The following SBF2 variants were observed in gnomAD, a reference collection of about 807,000 sequenced individuals.
The protein encoded by SBF2 is SET binding factor 2.
Under a neutral mutation model 225.2 loss-of-function variants are expected in SBF2, and 112 were observed. The observed-to-expected ratio is 0.50, with a 90% CI of 0.43 to 0.58. The LOEUF is 0.58. Ranked by LOEUF, SBF2 falls within the 20% of genes least tolerant of loss-of-function variation. The pLI is 0.00. For missense variants in SBF2, 1,996 were observed against 2,206.2 expected, an observed-to-expected ratio of 0.90 and a Z score of 1.91; for synonymous variants, 763 against 773.3, an observed-to-expected ratio of 0.99 and a Z score of 0.22.
intron 2 of SBF2, among the ~76,000 whole-genome samples, chr11:10,150,114 T>C (rs1291608861): frequency 6.6e-6 from 1 of 152,148 alleles, no homozygotes; most frequent in South Asian, 2.1e-4. Flanking sequence ...ATCTGTATCC[T>C]TGAACAAAAA....
chr11:10,131,277 G>A (rs1222440669), intron 2 of SBF2, among the ~76,000 whole-genome samples: 1 of 151,276 alleles, frequency 6.6e-6, no homozygotes, highest in Non-Finnish European at 1.5e-5. Flanking sequence ...CCAGGCTGGA[G>A]TACAGTGGCA....
At chr11:9,796,227 C>G (rs912222340) in intron 32 of SBF2, among the ~76,000 whole-genome samples, 1 of 152,014 alleles carries the variant, frequency 6.6e-6, no homozygotes, top group African/African-American at 2.4e-5. Context: ...TTATTATCTC[C>G]ACTTTACAAT....
chr11:9,893,730 C>G (rs529723898), intron 17 of SBF2, among the ~76,000 whole-genome samples: 1 of 152,292 alleles, frequency 6.6e-6, no homozygotes, highest in South Asian at 2.1e-4. Flanking sequence ...CAGTTCTGGT[C>G]TCTTGAAATT....
intron 13 of SBF2, among the ~76,000 whole-genome samples, chr11:9,972,157 T>C (rs1946489936): frequency 6.6e-6 from 1 of 152,182 alleles, no homozygotes; most frequent in Non-Finnish European, 1.5e-5. Flanking sequence ...CCCCATGTGT[T>C]GTAGTTTTCA....
At chr11:9,845,950 TG>T (rs1856514359) in intron 23 of SBF2, among the ~76,000 whole-genome samples, 1 of 152,234 alleles carries the variant, frequency 6.6e-6, no homozygotes. Flanking sequence ...AGGAAAATCA[TG>T]TATCTTCAAG....
At chr11:10,149,958 A>C (rs751393416) in intron 2 of SBF2, among the ~76,000 whole-genome samples, 12 of 152,152 alleles carry the variant, frequency 7.9e-5, no homozygotes, top group Non-Finnish European at 1.5e-4. Context: ...GGTTAGTTCT[A>C]AACGTCATGC....
At chr11:10,211,103 G>A (rs950665657) in intron 1 of SBF2, among the ~76,000 whole-genome samples, 2 of 146,440 alleles carry the variant, frequency 1.4e-5, no homozygotes, top group Non-Finnish European at 3.0e-5. Context: ...CAGGTATACT[G>A]CTTTTATTTG....
chr11:10,286,725 G>A (rs1380817147), intron 1 of SBF2, among the ~76,000 whole-genome samples: 4 of 151,992 alleles, frequency 2.6e-5, no homozygotes, highest in Non-Finnish European at 5.9e-5. Context: ...AACAAAAAAT[G>A]GCTACTCCAC....
rs182921649 is a variant in SBF2 at position 10,248,151 on chromosome 11, T to C, written c.55+45864A>G. Among the ~76,000 whole-genome samples, 294 of 152,308 alleles carry C rather than the reference T, an allele frequency of 1.9e-3. 3 individuals are homozygous for C. The highest frequency in any genetic ancestry group is 1.9e-3 in the Non-Finnish European group (129 of 68,028). On this transcript the variant is annotated intron_variant, in intron 1 of 39. Coordinates refer to ENST00000256190, the MANE Select transcript of SBF2 (RefSeq NM_030962.4). ...TGTGAAATTACCCATGCCCCCTAGC[T>C]AGGCAAAGAAGGTATTAAAGAAAAG... is the stretch of plus-strand genomic sequence containing the variant.
chr11:9,806,052 G>A (rs1293037817), intron 32 of SBF2, among the ~76,000 whole-genome samples: 1 of 152,184 alleles, frequency 6.6e-6, no homozygotes, highest in Non-Finnish European at 1.5e-5. Context: ...AACTGTAATT[G>A]TGTTAGATAC....
At chr11:10,225,278 CTG>C (rs1022231584) in intron 1 of SBF2, among the ~76,000 whole-genome samples, 1 of 151,684 alleles carries the variant, frequency 6.6e-6, no homozygotes, top group African/African-American at 2.4e-5. Flanking sequence ...TGGTATTTAA[CTG>C]TTTCAACAAA....
intron 16 of SBF2, among the ~76,000 whole-genome samples, chr11:9,905,448 G>A (rs1398312984): frequency 2.6e-5 from 4 of 152,106 alleles, no homozygotes; most frequent in Admixed American, 6.6e-5. Flanking sequence ...TTTGAATAAC[G>A]ATTTTCATTT....
intron 6 of SBF2, among the ~76,000 whole-genome samples, chr11:10,003,404 G>T (rs1478019687): frequency 7.0e-6 from 1 of 143,288 alleles, no homozygotes; most frequent in East Asian, 2.0e-4. Flanking sequence ...GCCTTGCTCT[G>T]TCATCGAGGT....
intron 16 of SBF2, among the ~76,000 whole-genome samples, chr11:9,922,450 G>GA (rs1323230917): frequency 2.6e-5 from 4 of 151,924 alleles, no homozygotes; most frequent in Non-Finnish European, 4.4e-5. Context: ...ATTTAAATAA[G>GA]ACTTTTACAC....
intron 19 of SBF2, among the ~76,000 whole-genome samples, chr11:9,855,209 A>T (rs1467710528): frequency 6.6e-6 from 1 of 152,208 alleles, no homozygotes; most frequent in Non-Finnish European, 1.5e-5. Flanking sequence ...GATGAACAAG[A>T]AACTCTATAT....
intron 6 of SBF2, among the ~76,000 whole-genome samples, chr11:10,019,730 T>C (rs895012712): frequency 6.6e-6 from 1 of 151,956 alleles, no homozygotes; most frequent in African/African-American, 2.4e-5. Flanking sequence ...TAATGCTATA[T>C]GAATAAGCTG....
intron 26 of SBF2, among the ~76,000 whole-genome samples, chr11:9,836,970 A>G (rs2133946117): frequency 6.6e-6 from 1 of 152,266 alleles, no homozygotes; most frequent in East Asian, 1.9e-4. Context: ...CCACTTAATA[A>G]TTTTAAAAGT....
intron 2 of SBF2, among the ~76,000 whole-genome samples, chr11:10,086,637 T>C (rs1231637341): frequency 2.0e-5 from 3 of 152,200 alleles, no homozygotes; most frequent in Non-Finnish European, 4.4e-5. Flanking sequence ...TGTATTTCAA[T>C]TTCCTCCTTT....
At chr11:9,842,836 C>A in intron 24 of SBF2, 66 bp from the exon 25 acceptor site, 1 of 1,509,234 alleles carries the variant, frequency 6.6e-7, no homozygotes, top group Non-Finnish European at 9.2e-7. Context: ...TTGTTGACAC[C>A]TACTTAGCTC....
Sources: allele counts gnomAD v4.1 joint callset (sites outside exome capture counted in the v4.1 genomes callset), GRCh38; gene constraint gnomAD v4.1.1; transcripts MANE v1.5; gene names NCBI Gene and HGNC (gene_info 2026-07-23, HGNC 2026-07-21).